SH3GLB1: variants seen among roughly 807,000 people sequenced by gnomAD.
The protein encoded by SH3GLB1 is endophilin-B1.
In SH3GLB1, 17 loss-of-function variants were observed where a neutral mutation model predicts 42.0. The ratio of observed to expected loss-of-function variants is 0.40; its 90% CI spans 0.28 to 0.61. SH3GLB1 has a LOEUF of 0.61. SH3GLB1 is among the 20% of genes least tolerant of loss of function. The pLI, the probability that SH3GLB1 is intolerant of heterozygous loss-of-function variation, is 0.36. For synonymous variants in SH3GLB1, 132 were observed against 146.6 expected, an observed-to-expected ratio of 0.90 and a Z score of 0.72; for missense variants, 355 against 426.3, an observed-to-expected ratio of 0.83 and a Z score of 1.47.
chr1:86,704,990 G>GA lies in SH3GLB1; in HGVS notation c.72+23dup. The GA allele has an allele frequency of 1.3e-6, 2 of 1,541,746 alleles. No individual in the cohort carries two copies. Among genetic ancestry groups the GA allele is most frequent in the South Asian group, 1.2e-5 (1 of 84,582 alleles). On this transcript the variant is annotated intron_variant, in intron 1 of 8. Transcript: ENST00000370558. ...CGTGCAGGTACCCTGGTGCTGGGGG[G>GA]AAAAGGGGTGGCGGCGCCCGGGAAG...
At chr1:86,729,464 C>T (rs1398034572) in intron 5 of SH3GLB1, among the ~76,000 whole-genome samples, 2 of 151,892 alleles carry the variant, frequency 1.3e-5, no homozygotes, top group African/African-American at 4.8e-5. Flanking sequence ...TTTCCATTGT[C>T]CTATCTATAG....
At chr1:86,724,147 G>T (rs1355533116) in intron 4 of SH3GLB1, among the ~76,000 whole-genome samples, 166 bp from the exon 5 acceptor site, 1 of 118,448 alleles carries the variant, frequency 8.4e-6, no homozygotes, top group Non-Finnish European at 1.6e-5. Context: ...TAACAAGGGG[G>T]TGGGGGGGGG....
chr1:86,746,504 G>GT lies in SH3GLB1; in HGVS notation c.*3270dup, dbSNP rs1656303100. On this transcript the variant is annotated 3_prime_UTR_variant, in exon 9 of 9. Transcript: ENST00000370558. Reference sequence around the variant, plus strand: ...TAAGATGAAGTGGCTTTTACCTCATGTGAGTCTCAAACGCTGGAGAGAGAG... The same window carrying GT: ...TAAGATGAAGTGGCTTTTACCTCATGTTGAGTCTCAAACGCTGGAGAGAGAG... The GT allele has an allele frequency of 1.3e-5, 2 of 152,310 alleles. No individual in the cohort carries two copies. Among genetic ancestry groups the GT allele is most frequent in the African/African-American group, 4.8e-5 (2 of 41,428 alleles). 9.4% of individuals were successfully genotyped at this position (152,310 alleles called of 1,614,324 possible). A position where few individuals can be genotyped will look rare whatever the true frequency, so the allele number is the denominator to read the frequency against.
At position 86,747,970 on chromosome 1, in the gene SH3GLB1, C is replaced by G. The variant is rs1476382466; in HGVS notation, c.*4735C>G. On this transcript the variant is annotated 3_prime_UTR_variant, in exon 9 of 9. Coordinates refer to ENST00000370558, the MANE Select transcript of SH3GLB1 (RefSeq NM_016009.5). ...TAAGTATATGGCCTTCCAGACTTTT[C>G]TGTGCATTTATAGATATTTTTAATG... 1 of 152,142 alleles carries G rather than the reference C, an allele frequency of 6.6e-6. No individual in the cohort carries two copies. The highest frequency in any genetic ancestry group is 1.5e-5 in the Non-Finnish European group (1 of 68,026). The allele number at this position is 152,142 out of a possible 1,614,324, so 9.4% of individuals were successfully genotyped here. A position where few individuals can be genotyped will look rare whatever the true frequency, so the allele number is the denominator to read the frequency against.
intron 7 of SH3GLB1, among the ~76,000 whole-genome samples, chr1:86,740,980 T>C (rs1455895793): frequency 6.6e-6 from 1 of 151,906 alleles, no homozygotes; most frequent in African/African-American, 2.4e-5. Context: ...AAAGATAATA[T>C]GATAAAATGT....
intron 3 of SH3GLB1, 82 bp downstream of exon 3, chr1:86,719,717 C>T (rs902133653): frequency 1.4e-5 from 20 of 1,425,272 alleles, no homozygotes; most frequent in South Asian, 8.1e-5. Flanking sequence ...ATTAGTAGGC[C>T]GGGTGCAGTG....
intron 7 of SH3GLB1, among the ~76,000 whole-genome samples, chr1:86,736,547 T>C (rs1166824567): frequency 6.6e-6 from 1 of 152,232 alleles, no homozygotes; most frequent in Non-Finnish European, 1.5e-5. Flanking sequence ...ATAACTATTT[T>C]AAGCCCAAGA....
chr1:86,729,876 T>C (rs2101965704), intron 5 of SH3GLB1, among the ~76,000 whole-genome samples: 1 of 152,176 alleles, frequency 6.6e-6, no homozygotes, highest in South Asian at 2.1e-4. Context: ...CATAAGATTT[T>C]AAAATTGATA....
rs944989587 is a variant in SH3GLB1, at chr1:86,747,671, C to G, written c.*4436C>G. ...AGTCTAAAGTAAGCACTACCACCAT[C>G]CACGTTTTCACTCAACACAGTGCCT... On this transcript the variant is annotated 3_prime_UTR_variant, in exon 9 of 9. Transcript: ENST00000370558. 1.3e-5 allele frequency: 2 copies of G among 152,206 alleles called. No individual in the cohort carries two copies. Among genetic ancestry groups the G allele is most frequent in the African/African-American group, 4.8e-5 (2 of 41,438 alleles). 9.4% of individuals were successfully genotyped at this position (152,206 alleles called of 1,614,324 possible).
In SH3GLB1 at chr1:86,723,775, G is replaced by C. The variant is rs1004565126; in HGVS notation, c.478-538G>C. On this transcript the variant is annotated intron_variant, in intron 4 of 8. Transcript: ENST00000370558. ...TGCAGCCCACCCAATCCTTGAGGTAGGACACCAGGCGTCAAGGAACCCTTG... is the reference window on the plus strand; with the variant it reads ...TGCAGCCCACCCAATCCTTGAGGTACGACACCAGGCGTCAAGGAACCCTTG... Among the ~76,000 whole-genome samples, 6 of 152,146 alleles carry C rather than the reference G, an allele frequency of 3.9e-5. 1 individual carries two copies. Among genetic ancestry groups the C allele is most frequent in the Admixed American group, 1.3e-4 (2 of 15,274 alleles).
At chr1:86,722,813 G>C (rs1285666123) in intron 4 of SH3GLB1, 140 bp downstream of exon 4, 1 of 634,870 alleles carries the variant, frequency 1.6e-6, no homozygotes, top group African/African-American at 1.9e-5. Context: ...ATGTTCACCA[G>C]AACACAAAAT....
chr1:86,722,133 A>G (rs1654897620), intron 3 of SH3GLB1, among the ~76,000 whole-genome samples: 1 of 147,734 alleles, frequency 6.8e-6, no homozygotes, highest in African/African-American at 2.5e-5. Context: ...CTGCAGACAT[A>G]TGCCACCACT....
intron 5 of SH3GLB1, among the ~76,000 whole-genome samples, chr1:86,731,776 TTA>T (rs2101970219): frequency 6.6e-6 from 1 of 152,236 alleles, no homozygotes; most frequent in East Asian, 1.9e-4. Context: ...TCTGACATTT[TTA>T]TAATTAAAAA....
intron 1 of SH3GLB1, among the ~76,000 whole-genome samples, chr1:86,712,448 C>T (rs1654269670): frequency 6.6e-6 from 1 of 152,130 alleles, no homozygotes; most frequent in Admixed American, 6.5e-5. Flanking sequence ...GATTGAATCC[C>T]AACAATGACA....
At chr1:86,733,525 A>T (rs915022622) in intron 5 of SH3GLB1, among the ~76,000 whole-genome samples, 2 of 152,184 alleles carry the variant, frequency 1.3e-5, no homozygotes, top group African/African-American at 2.4e-5. Context: ...GAGGTAGTCA[A>T]ACCTATCATT....
At chr1:86,724,890 A>ATATATATATATATATATATATATATAT (rs1349915743) in intron 5 of SH3GLB1, among the ~76,000 whole-genome samples, 8 of 102,952 alleles carry the variant, frequency 7.8e-5, no homozygotes, top group African/African-American at 3.3e-4. Flanking sequence ...AAAAAAAAAA[A>ATATATATATATATATATATATATATAT]AAATATATAT....
chr1:86,738,897 G>T (rs1356651719), intron 7 of SH3GLB1, among the ~76,000 whole-genome samples: 1 of 152,208 alleles, frequency 6.6e-6, no homozygotes, highest in Non-Finnish European at 1.5e-5. Flanking sequence ...GCCCGCCTCA[G>T]CCTCTCAAAG....
At chr1:86,705,314 G>A (rs1653787004) in intron 1 of SH3GLB1, among the ~76,000 whole-genome samples, 1 of 152,180 alleles carries the variant, frequency 6.6e-6, no homozygotes, top group Admixed American at 6.5e-5. Context: ...GGAGGCTTGC[G>A]AGTCCTTTGC....
At chr1:86,707,644 ATT>A (rs948807467) in intron 1 of SH3GLB1, among the ~76,000 whole-genome samples, 2,939 of 116,400 alleles carry the variant, frequency 0.025, 32 homozygotes, top group African/African-American at 0.052. Flanking sequence ...TTTACAGGGT[ATT>A]TTTTTTTTTT....
Sources: allele counts gnomAD v4.1 joint callset (sites outside exome capture counted in the v4.1 genomes callset), GRCh38; gene constraint gnomAD v4.1.1; transcripts MANE v1.5; gene names NCBI Gene and HGNC (gene_info 2026-07-23, HGNC 2026-07-21).